Variants in NTM observed in about 807,000 individuals in gnomAD.
NTM encodes the protein neurotrimin.
NTM carries 13 observed loss-of-function variants against 42.1 expected under a neutral mutation model. That is an observed-to-expected ratio of 0.31 (90% CI 0.20 to 0.49). The LOEUF is 0.49. NTM is among the 20% of genes least tolerant of loss of function. The probability of loss-of-function intolerance (pLI) is 0.99; values close to 1 mark genes in which losing one functional copy is unlikely to be tolerated. For synonymous variants in NTM, 187 were observed against 179.2 expected, an observed-to-expected ratio of 1.04 and a Z score of -0.35; for missense variants, 373 against 452.8, an observed-to-expected ratio of 0.82 and a Z score of 1.60.
At chr11:132,315,114 T>C in intron 7 of NTM, 1 of 988,210 alleles carries the variant, frequency 1.0e-6, no homozygotes, top group Non-Finnish European at 1.2e-6. Flanking sequence ...GCTCCTAAGC[T>C]GACTGTGGGA....
chr11:131,426,037 C>A (rs1432586328), intron 1 of NTM, among the ~76,000 whole-genome samples: 1 of 152,040 alleles, frequency 6.6e-6, no homozygotes, highest in African/African-American at 2.4e-5. Context: ...AGGTGGTGAC[C>A]AATGGCCACG....
intron 1 of NTM, among the ~76,000 whole-genome samples, chr11:131,564,712 G>A (rs1178759219): frequency 2.0e-5 from 3 of 151,892 alleles, no homozygotes; most frequent in Non-Finnish European, 4.4e-5. Context: ...AATTTCTTAT[G>A]GCAAGAGCAC....
intron 1 of NTM, among the ~76,000 whole-genome samples, chr11:131,556,185 C>T (rs909017883): frequency 6.6e-6 from 1 of 152,164 alleles, no homozygotes; most frequent in Non-Finnish European, 1.5e-5. Context: ...GAGGATGCCT[C>T]TAATGTCAAA....
intron 1 of NTM, among the ~76,000 whole-genome samples, chr11:131,726,310 A>G (rs968598422): frequency 1.3e-5 from 2 of 152,084 alleles, no homozygotes; most frequent in Non-Finnish European, 2.9e-5. Context: ...CTTCCTATTA[A>G]GCTTAAAAAA....
At chr11:131,923,749 A>G (rs891132094) in intron 2 of NTM, among the ~76,000 whole-genome samples, 4 of 152,220 alleles carry the variant, frequency 2.6e-5, no homozygotes, top group South Asian at 2.1e-4. Context: ...GCGTCATTCA[A>G]TGTCCAATCT....
intron 1 of NTM, among the ~76,000 whole-genome samples, chr11:131,775,569 C>A (rs961787777): frequency 1.3e-5 from 2 of 152,178 alleles, no homozygotes; most frequent in African/African-American, 4.8e-5. Flanking sequence ...CCTCTGTTGA[C>A]ACCATTTATA....
intron 1 of NTM, among the ~76,000 whole-genome samples, chr11:131,814,717 G>T (rs577208084): frequency 1.3e-5 from 2 of 152,134 alleles, no homozygotes; most frequent in Non-Finnish European, 2.9e-5. Context: ...CGCGTCTTGC[G>T]TTTTGCCTCC....
intron 1 of NTM, among the ~76,000 whole-genome samples, chr11:131,782,078 CA>C (rs1319710024): frequency 1.1e-4 from 16 of 151,868 alleles, no homozygotes; most frequent in African/African-American, 3.9e-4. Context: ...TCAGTGAAGA[CA>C]AAAGAAGGGT....
intron 1 of NTM, among the ~76,000 whole-genome samples, chr11:131,422,204 G>A (rs1947608256): frequency 9.8e-6 from 1 of 102,072 alleles, no homozygotes; most frequent in African/African-American, 3.1e-5. Flanking sequence ...TGGGACATCT[G>A]AGAACAGTCA....
At chr11:131,892,600 G>A (rs988502381) in intron 1 of NTM, among the ~76,000 whole-genome samples, 3 of 152,194 alleles carry the variant, frequency 2.0e-5, no homozygotes, top group African/African-American at 4.8e-5. Flanking sequence ...CTGCATTGTC[G>A]GCATGGTGCG....
intron 8 of NTM, chr11:132,332,416 G>A (rs1212851938): frequency 6.6e-6 from 1 of 152,312 alleles, no homozygotes; most frequent in Admixed American, 6.5e-5. Flanking sequence ...GAGAGCTTCA[G>A]AGGGGCTGCT....
At chr11:131,625,878 TGTG>T (rs1462001613) in intron 1 of NTM, among the ~76,000 whole-genome samples, 1 of 152,214 alleles carries the variant, frequency 6.6e-6, no homozygotes, top group Non-Finnish European at 1.5e-5. Context: ...CCAAGCATGT[TGTG>T]GCCTATATTT....
intron 2 of NTM, among the ~76,000 whole-genome samples, chr11:132,017,116 T>G (rs866956141): frequency 2.0e-5 from 3 of 151,684 alleles, no homozygotes; most frequent in African/African-American, 4.8e-5. Flanking sequence ...AAATGGTGGG[T>G]TTTTTTTGAA....
chr11:132,221,665 T>C (rs1042377576), intron 4 of NTM, among the ~76,000 whole-genome samples: 3 of 152,200 alleles, frequency 2.0e-5, no homozygotes, highest in Non-Finnish European at 4.4e-5. Context: ...GTGATTGTGA[T>C]GCAAGCTCAA....
At chr11:131,585,463 G>C (rs2058772707) in intron 1 of NTM, among the ~76,000 whole-genome samples, 1 of 152,132 alleles carries the variant, frequency 6.6e-6, no homozygotes, top group South Asian at 2.1e-4. Context: ...GGGTAGAGGG[G>C]ACCCCCCAGC....
intron 1 of NTM, among the ~76,000 whole-genome samples, chr11:131,802,992 C>A (rs1490394838): frequency 6.6e-6 from 1 of 152,182 alleles, no homozygotes; most frequent in Non-Finnish European, 1.5e-5. Context: ...TTGTCGAGTA[C>A]TGAAAGGACT....
At chr11:132,011,876 G>A (rs649654) in intron 2 of NTM, among the ~76,000 whole-genome samples, 121,252 of 152,174 alleles carry the variant, frequency 0.8, 48,943 homozygotes, top group East Asian at 0.96. Context: ...TATCTCAGAA[G>A]GTGTCCTTCT....
chr11:131,493,439 C>T (rs553713911), intron 1 of NTM, among the ~76,000 whole-genome samples: 155 of 152,232 alleles, frequency 1.0e-3, no homozygotes, highest in African/African-American at 3.6e-3. Flanking sequence ...GGTGACTGAG[C>T]AGGTGATCCA....
intron 1 of NTM, among the ~76,000 whole-genome samples, chr11:131,647,033 G>A (rs1463621759): frequency 1.3e-5 from 2 of 152,128 alleles, no homozygotes; most frequent in Non-Finnish European, 2.9e-5. Context: ...CCAGGCCTTC[G>A]GCTGTGTGTG....
Sources: allele counts gnomAD v4.1 joint callset (sites outside exome capture counted in the v4.1 genomes callset), GRCh38; gene constraint gnomAD v4.1.1; transcripts MANE v1.5; gene names NCBI Gene and HGNC (gene_info 2026-07-23, HGNC 2026-07-21).